Variants in DDB1 observed in about 807,000 individuals in gnomAD.
The protein encoded by DDB1 is DNA damage-binding protein 1.
Under a neutral mutation model 133.1 loss-of-function variants are expected in DDB1, and 18 were observed. The observed-to-expected ratio is 0.14, with a 90% CI of 0.09 to 0.20. The LOEUF (loss-of-function observed/expected upper bound fraction) is 0.20. Ranked by LOEUF, DDB1 falls within the 10% of genes least tolerant of loss-of-function variation. The probability of loss-of-function intolerance (pLI) is 1.00; values close to 1 mark genes in which losing one functional copy is unlikely to be tolerated. For synonymous variants in DDB1, 580 were observed against 550.5 expected, an observed-to-expected ratio of 1.05 and a Z score of -0.75; for missense variants, 828 against 1,459.2, an observed-to-expected ratio of 0.57 and a Z score of 7.05.
intron 17 of DDB1, 36 bp downstream of exon 17, chr11:61,311,953 A>G (rs1201351868): frequency 1.2e-6 from 2 of 1,613,804 alleles, no homozygotes; most frequent in East Asian, 4.5e-5. Flanking sequence ...ACCCTACACC[A>G]ACCCCCACTT....
intron 7 of DDB1, 39 bp downstream of exon 7, chr11:61,323,940 A>C (rs1186907328): frequency 1.4e-5 from 23 of 1,610,862 alleles, no homozygotes; most frequent in Non-Finnish European, 2.0e-5. Flanking sequence ...TTAGGAACCT[A>C]AAAGAACATT....
rs757242604 is a variant in DDB1, at chr11:61,314,472, C to T, written c.1425G>A (p.Ser475=). 4.3e-6 allele frequency: 7 copies of T among 1,612,446 alleles called. No homozygotes were observed. The highest frequency in any genetic ancestry group is 2.2e-5 in the East Asian group (1 of 44,896). Residue 475 remains serine, a synonymous_variant, in exon 13 of 27, where the codon TCG becomes TCA. Coordinates refer to ENST00000301764, the MANE Select transcript of DDB1 (RefSeq NM_001923.5). The part of the protein sequence containing the change: ...HQQLIQITSA[S]VRLVSQEPKA... ...TGGGTTCTTGAGAGACCAACCTCAC[C>T]GATGCTGAAGTGATCTAGATAAACA... is the stretch of plus-strand genomic sequence containing the variant.
chr11:61,313,578 G>A lies in DDB1; in HGVS notation c.1990C>T (p.His664Tyr). 6.2e-7 allele frequency: 1 copy of A among 1,614,158 alleles called. No individual in the cohort carries two copies. Among genetic ancestry groups the A allele is most frequent in the Non-Finnish European group, 8.5e-7 (1 of 1,180,026 alleles). ...TTGACATTTGAGAAGACCAATTTGT[G>A]GTTGCTGCTATAGATGACAGTGGGG... ...DRPTVIYSSN[H>Y]KLVFSNVNLK... Residue 664 changes from histidine to tyrosine, a missense_variant, in exon 16 of 27, where the codon CAC becomes TAC. This residue lies in a region of DDB1 where 396 missense variants were observed against 554.1 expected (regional missense o/e 0.71). Coordinates refer to ENST00000301764, the MANE Select transcript of DDB1 (RefSeq NM_001923.5).
At chr11:61,314,733 C>A in intron 12 of DDB1, 5 of 354,660 alleles carry the variant, frequency 1.4e-5, no homozygotes, top group Non-Finnish European at 2.6e-5. Flanking sequence ...AGGCCTATTT[C>A]ATTCTAATTG....
chr11:61,308,169 C>G (rs1855906821), intron 21 of DDB1, among the ~76,000 whole-genome samples: 1 of 152,206 alleles, frequency 6.6e-6, no homozygotes, highest in Non-Finnish European at 1.5e-5. Flanking sequence ...GTTCTGGCCC[C>G]TGGCTGTCCC....
chr11:61,302,545 G>C (rs770101381), intron 24 of DDB1, 37 bp downstream of exon 24: 2 of 1,610,726 alleles, frequency 1.2e-6, no homozygotes, highest in Non-Finnish European at 1.7e-6. Flanking sequence ...CAGGAAGGAG[G>C]CCTGTGTGGG....
chr11:61,316,204 T>C (rs1299750697), intron 12 of DDB1, 81 bp downstream of exon 12: 1 of 1,282,960 alleles, frequency 7.8e-7, no homozygotes, highest in Non-Finnish European at 1.1e-6. Flanking sequence ...AAATTGGTTG[T>C]TTTAAAATCC....
chr11:61,332,834 G>T, intron 1 of DDB1, 74 bp downstream of exon 1: 5 of 1,313,240 alleles, frequency 3.8e-6, no homozygotes, highest in Non-Finnish European at 5.0e-6. Flanking sequence ...CGCCCCCGGG[G>T]CGGCGGGCCT....
intron 2 of DDB1, chr11:61,330,290 C>T (rs1449720718): frequency 2.5e-6 from 1 of 407,122 alleles, no homozygotes. Flanking sequence ...CTAGTTCTCA[C>T]TTTCATGATT....
intron 3 of DDB1, 81 bp downstream of exon 3, chr11:61,329,877 G>T: frequency 8.3e-7 from 1 of 1,202,674 alleles, no homozygotes; most frequent in Non-Finnish European, 1.2e-6. Context: ...ATAGAGAGCT[G>T]CCCCCAGCAC....
chr11:61,313,417 AG>A (rs1206603875), intron 16 of DDB1, 81 bp downstream of exon 16: 2 of 1,275,720 alleles, frequency 1.6e-6, no homozygotes, highest in Non-Finnish European at 2.2e-6. Flanking sequence ...CACCGGAAAA[AG>A]GCTTTGAGGT....
rs143791049 is a variant in DDB1, at chr11:61,313,837, C to T, written c.1861+25G>A. 506 of 1,609,576 alleles carry T rather than the reference C, an allele frequency of 3.1e-4. 4 individuals are homozygous for T. The African/African-American group carries it at 6.3e-3, about 20-fold the overall frequency. ...TCTAATACTCTATTTTTGAAAGAGT[C>T]CCTCACTCAAAATACTACTCTCACC... On this transcript the variant is annotated intron_variant, in intron 15 of 26. Coordinates refer to ENST00000301764, the MANE Select transcript of DDB1 (RefSeq NM_001923.5).
chr11:61,309,988 T>C (rs765331225), intron 19 of DDB1, 28 bp from the exon 20 acceptor site: 4 of 1,614,208 alleles, frequency 2.5e-6, no homozygotes, highest in South Asian at 1.1e-5. Flanking sequence ...GACTACGTGA[T>C]GACAGGTTAC....
intron 16 of DDB1, 99 bp from the exon 17 acceptor site, chr11:61,312,183 C>G (rs924978270): frequency 1.3e-5 from 13 of 985,034 alleles, no homozygotes; most frequent in Admixed American, 1.1e-4. Context: ...CAGGATTACA[C>G]CAGCTTTGAC....
In DDB1 at chr11:61,313,714, G is replaced by A. The variant is rs1238183865; in HGVS notation, c.1862-8C>T. Reference sequence around the variant, plus strand: ...TACGGTCGCTCAACAGACCTACAGAGAGAATGACATCAGGAGAAAGGAAGA... The same window carrying A: ...TACGGTCGCTCAACAGACCTACAGAAAGAATGACATCAGGAGAAAGGAAGA... On this transcript the variant is annotated splice_polypyrimidine_tract_variant and splice_region_variant and intron_variant, in intron 15 of 26. Coordinates refer to ENST00000301764, the MANE Select transcript of DDB1 (RefSeq NM_001923.5). 2 of 1,602,128 alleles carry A rather than the reference G, an allele frequency of 1.2e-6. No individual in the cohort carries two copies. The highest frequency in any genetic ancestry group is 1.7e-6 in the Non-Finnish European group (2 of 1,173,876).
At position 61,302,305 on chromosome 11, in the gene DDB1, T is replaced by C. The variant is rs1855810916; in HGVS notation, c.3167A>G (p.Asn1056Ser). The change falls in exon 25 of 27, where the codon AAT becomes AGT. Residue 1056 changes from asparagine (N) to serine (S), a missense_variant. This residue lies in a region of DDB1 where 116 missense variants were observed against 221.6 expected (regional missense o/e 0.52). Transcript: ENST00000301764. ...SWYNLLLDMQ[N>S]RLNKVIKSVG... ...ACTTTTGATGACTTTATTGAGTCGA[T>C]TCTGCATGTCCAGCAGGAGGTTGTA... is the stretch of plus-strand genomic sequence containing the variant. 2 of 1,614,076 alleles carry C rather than the reference T, an allele frequency of 1.2e-6. No homozygotes were observed. Among genetic ancestry groups the C allele is most frequent in the Non-Finnish European group, 1.7e-6 (2 of 1,180,040 alleles).
intron 22 of DDB1, 113 bp from the exon 23 acceptor site, chr11:61,303,268 T>G: frequency 1.1e-6 from 1 of 909,924 alleles, no homozygotes; most frequent in Non-Finnish European, 1.8e-6. Context: ...GCAGAAGATA[T>G]AGCATGGTGT....
At chr11:61,300,445 C>T (rs1020172128) in intron 26 of DDB1, among the ~76,000 whole-genome samples, 3 of 152,358 alleles carry the variant, frequency 2.0e-5, no homozygotes, top group East Asian at 1.9e-4. Flanking sequence ...ATCCCCGAGA[C>T]ACCATCTCCA....
Position 61,329,411 on chromosome 11 carries a change from G to A in DDB1, c.501C>T (p.Val167=), listed in dbSNP as rs755523995. The change falls in exon 4 of 27, where the codon GTC becomes GTT. Residue 167 remains valine (V), a synonymous_variant. Transcript: ENST00000301764. ...IRLEELHVID[V]KFLYGCQAPT... is the part of the protein sequence containing the mutation. ...GTGCTTGGCAACCATATAGGAACTT[G>A]ACATCAATGACATGCAGCTCCTCCA... is the stretch of plus-strand genomic sequence containing the variant. 6.2e-7 allele frequency: 1 copy of A among 1,614,150 alleles called. No homozygotes were observed. Among genetic ancestry groups the A allele is most frequent in the Non-Finnish European group, 8.5e-7 (1 of 1,180,032 alleles).
Sources: gnomAD v4.1 joint callset for allele counts (sites outside exome capture counted in the v4.1 genomes callset) on GRCh38, gnomAD v4.1.1 for gene constraint, gnomAD v4.1.1 regional missense constraint, MANE v1.5 for transcripts, NCBI Gene and HGNC (gene_info 2026-07-23, HGNC 2026-07-21) for gene names.